Variants in CRTC3 observed in about 807,000 individuals in gnomAD.
CRTC3 encodes the protein CREB-regulated transcription coactivator 3.
In CRTC3, 26 loss-of-function variants were observed where a neutral mutation model predicts 74.5. The ratio of observed to expected loss-of-function variants is 0.35; its 90% confidence interval spans 0.26 to 0.48. CRTC3 has a LOEUF of 0.48. Among genes scored for constraint, CRTC3 ranks in the 20% least tolerant of loss-of-function variants. The probability of loss-of-function intolerance (pLI) is 0.99; values close to 1 mark genes in which losing one functional copy is unlikely to be tolerated. For synonymous variants in CRTC3, 377 were observed against 325.8 expected (o/e 1.16, Z -1.69); for missense variants, 760 against 787.3 (o/e 0.97, Z 0.41).
chr15:90,582,082 G>T (rs937264240), intron 2 of CRTC3, among the ~76,000 whole-genome samples: 4 of 152,188 alleles, frequency 2.6e-5, no homozygotes, highest in Non-Finnish European at 5.9e-5. Flanking sequence ...TCAAAAGCCA[G>T]TTCTTCCCTT....
intron 6 of CRTC3, among the ~76,000 whole-genome samples, chr15:90,608,882 T>C (rs138880755): frequency 6.6e-6 from 1 of 152,322 alleles, no homozygotes; most frequent in East Asian, 1.9e-4. Flanking sequence ...GGGTTTATAA[T>C]CTAGAAAGAA....
At chr15:90,554,442 A>T (rs1466124077) in intron 2 of CRTC3, among the ~76,000 whole-genome samples, 2 of 152,138 alleles carry the variant, frequency 1.3e-5, no homozygotes, top group Non-Finnish European at 2.9e-5. Context: ...ACCTCAGGTA[A>T]TCCTCCCGCC....
chr15:90,537,567 G>A (rs1966740220), intron 1 of CRTC3, among the ~76,000 whole-genome samples: 1 of 152,158 alleles, frequency 6.6e-6, no homozygotes. Flanking sequence ...TGTACTTTTA[G>A]TAGAGACAGG....
intron 2 of CRTC3, among the ~76,000 whole-genome samples, chr15:90,547,947 G>T (rs1223589248): frequency 1.4e-5 from 2 of 139,888 alleles, no homozygotes; most frequent in Non-Finnish European, 3.0e-5. Context: ...GGAGCGCAAT[G>T]ATGTGATCTT....
chr15:90,585,129 C>T (rs1217386874), intron 2 of CRTC3, among the ~76,000 whole-genome samples: 1 of 152,092 alleles, frequency 6.6e-6, no homozygotes, highest in Non-Finnish European at 1.5e-5. Flanking sequence ...TACAATTTAT[C>T]TGGAGAATTT....
intron 2 of CRTC3, among the ~76,000 whole-genome samples, chr15:90,585,337 G>A (rs1967634941): frequency 6.6e-6 from 1 of 152,118 alleles, no homozygotes; most frequent in Admixed American, 6.6e-5. Context: ...CAGAGACAAG[G>A]TCTGGCTATG....
chr15:90,576,300 A>G (rs1197028139), intron 2 of CRTC3, among the ~76,000 whole-genome samples: 1 of 152,172 alleles, frequency 6.6e-6, no homozygotes, highest in African/African-American at 2.4e-5. Flanking sequence ...AAATGACCAG[A>G]CTTGGTGATG....
chr15:90,633,278 G>A (rs956762219), intron 11 of CRTC3, among the ~76,000 whole-genome samples: 1 of 152,056 alleles, frequency 6.6e-6, no homozygotes, highest in Admixed American at 6.6e-5. Flanking sequence ...CCCAACTCTT[G>A]GAGTTGGGCA....
intron 10 of CRTC3, 121 bp from the exon 11 acceptor site, chr15:90,629,113 A>G (rs1567192720): frequency 1.1e-6 from 1 of 875,918 alleles, no homozygotes; most frequent in Non-Finnish European, 1.7e-6. Context: ...AGAGCTGTCC[A>G]GGAGCTCCTT....
In CRTC3 at chr15:90,638,516, C is replaced by T. The variant is rs1435722385; in HGVS notation, c.1337C>T (p.Pro446Leu). 3.1e-6 allele frequency: 5 copies of T among 1,613,822 alleles called. No individual in the cohort carries two copies. Among genetic ancestry groups the T allele is most frequent in the Non-Finnish European group, 4.2e-6 (5 of 1,180,004 alleles). ...TEAQAQVSPP[P>L]PYPAPQELTQ... ...GCTCAAGCCCAGGTGTCGCCGCCACCCCCTTACCCTGCACCCCAGGAGCTC... is the reference window on the plus strand; with the variant it reads ...GCTCAAGCCCAGGTGTCGCCGCCACTCCCTTACCCTGCACCCCAGGAGCTC... Residue 446 changes from proline (P) to leucine (L), a missense_variant, in exon 12 of 15, where the codon CCC becomes CTC. This residue lies in a region of CRTC3 where 652 missense variants were observed against 635.2 expected (regional missense o/e 1.03). Coordinates refer to ENST00000268184, the MANE Select transcript of CRTC3 (RefSeq NM_022769.5).
chr15:90,605,251 CAAAAT>C (rs1282144465), intron 5 of CRTC3, among the ~76,000 whole-genome samples: 2 of 152,046 alleles, frequency 1.3e-5, no homozygotes, highest in African/African-American at 2.4e-5. Context: ...GACGCTGTCT[CAAAAT>C]AAAAAAGAAA....
At chr15:90,545,438 C>T (rs1416032497) in intron 2 of CRTC3, among the ~76,000 whole-genome samples, 8 of 140,850 alleles carry the variant, frequency 5.7e-5, no homozygotes, top group Non-Finnish European at 1.1e-4. Context: ...CTCGCTCTGT[C>T]GCCCAGGCTG....
chr15:90,644,126 C>G lies in CRTC3; in HGVS notation c.*1986C>G. 4.4e-6 allele frequency: 1 copy of G among 229,184 alleles called. No homozygotes were observed. Among genetic ancestry groups the G allele is most frequent in the Admixed American group, 5.7e-5 (1 of 17,670 alleles). 14.2% of individuals were successfully genotyped at this position (229,184 alleles called of 1,614,324 possible). Reference sequence around the variant, plus strand: ...GGAATTGGGAAATCAAACCAGAGTCCTCCTCGCCTGATTTCCAGCTCAGGA... The same window carrying G: ...GGAATTGGGAAATCAAACCAGAGTCGTCCTCGCCTGATTTCCAGCTCAGGA... On this transcript the variant is annotated 3_prime_UTR_variant, in exon 15 of 15. Transcript: ENST00000268184.
At chr15:90,625,753 A>G in intron 9 of CRTC3, 23 bp from the exon 10 acceptor site, 1 of 1,592,434 alleles carries the variant, frequency 6.3e-7, no homozygotes, top group Non-Finnish European at 8.6e-7. Context: ...GTAGAAAGTC[A>G]TTCTTAATCT....
At chr15:90,569,316 CT>C (rs34246683) in intron 2 of CRTC3, among the ~76,000 whole-genome samples, 49 of 132,298 alleles carry the variant, frequency 3.7e-4, no homozygotes, top group South Asian at 1.5e-3. Flanking sequence ...TAAACAAAAC[CT>C]TTTTTTTTTT....
chr15:90,569,029 G>T (rs1967193329), intron 2 of CRTC3, among the ~76,000 whole-genome samples: 1 of 150,888 alleles, frequency 6.6e-6, no homozygotes, highest in African/African-American at 2.4e-5. Context: ...GTTTCTCCCG[G>T]TCACCCAGGC....
At chr15:90,554,838 A>G (rs1287697630) in intron 2 of CRTC3, among the ~76,000 whole-genome samples, 1 of 152,210 alleles carries the variant, frequency 6.6e-6, no homozygotes, top group East Asian at 1.9e-4. Context: ...GTACTCCACT[A>G]TGGGTTGGGT....
intron 3 of CRTC3, among the ~76,000 whole-genome samples, chr15:90,601,988 A>G (rs543823119): frequency 6.6e-6 from 1 of 152,266 alleles, no homozygotes; most frequent in African/African-American, 2.4e-5. Flanking sequence ...CCTAGACTAG[A>G]ATCCTGGGCC....
chr15:90,567,691 A>AAAATAAATAAATAAATAAATAAATAAAT (rs143830684), intron 2 of CRTC3, among the ~76,000 whole-genome samples: 24 of 145,680 alleles, frequency 1.6e-4, no homozygotes, highest in East Asian at 1.0e-3. Context: ...TCCGTCTCAA[A>AAAATAAATAAATAAATAAATAAATAAAT]AAATAAATAA....
Sources: allele counts gnomAD v4.1 joint callset (sites outside exome capture counted in the v4.1 genomes callset), GRCh38; gene constraint gnomAD v4.1.1; regional missense constraint gnomAD v4.1.1; transcripts MANE v1.5; gene names NCBI Gene and HGNC (gene_info 2026-07-23, HGNC 2026-07-21).